Variants in OPCML observed in about 807,000 individuals in gnomAD.
OPCML encodes opioid binding protein/cell adhesion molecule like, also known as opioid-binding protein/cell adhesion molecule.
A neutral mutation model predicts 37.8 loss-of-function variants in OPCML; 13 were observed. The observed-to-expected ratio is 0.34, with a 90% confidence interval of 0.22 to 0.55. The LOEUF (loss-of-function observed/expected upper bound fraction) is 0.55, where lower values mean the gene tolerates loss of function less well. Among genes scored for constraint, OPCML ranks in the 20% least tolerant of loss-of-function variants. The pLI is 0.91. For synonymous variants in OPCML, 176 were observed against 168.8 expected, an observed-to-expected ratio of 1.04 and a Z score of -0.33; for missense variants, 341 against 435.6, an observed-to-expected ratio of 0.78 and a Z score of 1.93.
intron 2 of OPCML, among the ~76,000 whole-genome samples, chr11:132,893,216 C>G (rs76031652): frequency 1.3e-5 from 2 of 152,080 alleles, no homozygotes; most frequent in Non-Finnish European, 2.9e-5. Context: ...GAGCCAAGAT[C>G]GTGCCGCTGC....
chr11:132,542,791 C>A (rs78408121), intron 3 of OPCML, among the ~76,000 whole-genome samples: 2,321 of 152,256 alleles, frequency 0.015, 55 homozygotes, highest in African/African-American at 0.048. Flanking sequence ...TATCTGGAAT[C>A]AGCCTAGGTA....
At chr11:132,906,710 T>A (rs769988524) in intron 2 of OPCML, among the ~76,000 whole-genome samples, 2 of 152,088 alleles carry the variant, frequency 1.3e-5, no homozygotes, top group Non-Finnish European at 2.9e-5. Flanking sequence ...CTGGAAAAAC[T>A]CAGGAGAAGC....
intron 1 of OPCML, among the ~76,000 whole-genome samples, chr11:133,402,978 G>A (rs1172316824): frequency 6.6e-6 from 1 of 152,162 alleles, no homozygotes; most frequent in Admixed American, 6.5e-5. Flanking sequence ...GATTCCTACT[G>A]GAAGTCTTCT....
intron 1 of OPCML, among the ~76,000 whole-genome samples, chr11:133,448,784 A>G (rs932318394): frequency 2.6e-5 from 4 of 152,200 alleles, no homozygotes; most frequent in African/African-American, 9.6e-5. Flanking sequence ...TTTAAACCCA[A>G]GTCTTGGATA....
chr11:133,329,635 A>G (rs1416542042), intron 1 of OPCML, among the ~76,000 whole-genome samples: 2 of 152,248 alleles, frequency 1.3e-5, no homozygotes, highest in Admixed American at 1.3e-4. Context: ...GGCTAGCCAT[A>G]TGTAGAAAGC....
At chr11:133,232,151 A>G (rs543016795) in intron 1 of OPCML, among the ~76,000 whole-genome samples, 42 of 152,318 alleles carry the variant, frequency 2.8e-4, no homozygotes, top group African/African-American at 9.9e-4. Flanking sequence ...CAGACAGACC[A>G]AAGGCTTTGT....
chr11:133,458,552 T>TGTGTATACACATATATACAC (rs1946762666), intron 1 of OPCML, among the ~76,000 whole-genome samples: 1 of 118,402 alleles, frequency 8.4e-6, no homozygotes, highest in African/African-American at 6.6e-5. Flanking sequence ...TATACACGTG[T>TGTGTATACACATATATACAC]GTGTGTATAC....
intron 3 of OPCML, among the ~76,000 whole-genome samples, chr11:132,553,342 T>C (rs1030172514): frequency 1.3e-5 from 2 of 152,238 alleles, no homozygotes; most frequent in African/African-American, 4.8e-5. Context: ...TTAATAGGCA[T>C]GGCTGTTTGC....
intron 1 of OPCML, among the ~76,000 whole-genome samples, chr11:133,439,002 G>A (rs1330023020): frequency 7.2e-5 from 11 of 152,098 alleles, no homozygotes; most frequent in Non-Finnish European, 1.5e-5. Context: ...CCATTTACTT[G>A]TTCCTGAGTT....
intron 1 of OPCML, among the ~76,000 whole-genome samples, chr11:133,521,289 C>T (rs1016581639): frequency 6.6e-6 from 1 of 152,206 alleles, no homozygotes; most frequent in East Asian, 1.9e-4. Flanking sequence ...GGCTCATAAG[C>T]TGTGAGGCAA....
chr11:133,289,678 C>T (rs1001389077), intron 1 of OPCML, among the ~76,000 whole-genome samples: 6 of 151,520 alleles, frequency 4.0e-5, no homozygotes, highest in Non-Finnish European at 5.9e-5. Context: ...GGGCTAGTTT[C>T]GTTGTTCTTT....
At chr11:132,860,664 G>T (rs191461058) in intron 2 of OPCML, 3 of 152,230 alleles carry the variant, frequency 2.0e-5, no homozygotes, top group Admixed American at 6.5e-5. Context: ...GAGGCAGCAG[G>T]AAACGCAAAA....
intron 1 of OPCML, among the ~76,000 whole-genome samples, chr11:133,184,915 C>T (rs1403597609): frequency 6.6e-6 from 1 of 152,186 alleles, no homozygotes; most frequent in Non-Finnish European, 1.5e-5. Context: ...ATTTCTTGCA[C>T]TTCCCTTGGG....
intron 1 of OPCML, among the ~76,000 whole-genome samples, chr11:133,383,764 G>T (rs1450621105): frequency 1.3e-5 from 2 of 152,088 alleles, no homozygotes; most frequent in African/African-American, 2.4e-5. Context: ...CAGCTATTTA[G>T]TGTTAAGCTA....
chr11:133,308,089 G>C (rs371248249), intron 1 of OPCML, among the ~76,000 whole-genome samples: 1 of 152,176 alleles, frequency 6.6e-6, no homozygotes, highest in African/African-American at 2.4e-5. Flanking sequence ...ATGGGCTCAA[G>C]GGAGATATGG....
chr11:132,645,317 C>T (rs780653001), intron 3 of OPCML, among the ~76,000 whole-genome samples: 1 of 152,218 alleles, frequency 6.6e-6, no homozygotes, highest in Non-Finnish European at 1.5e-5. Context: ...CATGATGTGG[C>T]TACCAATATC....
intron 1 of OPCML, among the ~76,000 whole-genome samples, chr11:133,277,904 G>C (rs1342314422): frequency 6.6e-6 from 1 of 152,152 alleles, no homozygotes; most frequent in Non-Finnish European, 1.5e-5. Context: ...GAGACACGGA[G>C]TAACTAGTTG....
chr11:133,274,929 A>G (rs537053672), intron 1 of OPCML, among the ~76,000 whole-genome samples: 1 of 152,270 alleles, frequency 6.6e-6, no homozygotes, highest in Non-Finnish European at 1.5e-5. Flanking sequence ...GGTGTCGTTT[A>G]TATTAATTTG....
rs181262886 is a variant in OPCML at position 133,335,515 on chromosome 11, C to T, written c.61+196749G>A. Among the ~76,000 whole-genome samples the T allele has an allele frequency of 4.7e-3, 714 of 152,120 alleles. 6 individuals carry two copies. The highest frequency in any genetic ancestry group is 0.014 in the Middle Eastern group (4 of 292). ...AGGCTGCTGCTGGTGTAGGCAAACTCGGTGGGCTATGATATTACATAGATT... is the reference window on the plus strand; with the variant it reads ...AGGCTGCTGCTGGTGTAGGCAAACTTGGTGGGCTATGATATTACATAGATT... On this transcript the variant is annotated intron_variant, in intron 1 of 7. Coordinates refer to ENST00000524381, the MANE Select transcript of OPCML (RefSeq NM_001012393.5).
Sources: allele counts gnomAD v4.1 joint callset (sites outside exome capture counted in the v4.1 genomes callset), GRCh38; gene constraint gnomAD v4.1.1; transcripts MANE v1.5; gene names NCBI Gene and HGNC (gene_info 2026-07-23, HGNC 2026-07-21).